CPLX2: variants seen among roughly 807,000 people sequenced by gnomAD.
CPLX2 encodes the protein complexin-2.
Under a neutral mutation model 16.3 loss-of-function variants are expected in CPLX2, and 5 were observed. The ratio of observed to expected loss-of-function variants is 0.31; its 90% CI spans 0.16 to 0.64. CPLX2 has a LOEUF of 0.64. CPLX2 is among the 30% of genes least tolerant of loss of function. The probability of loss-of-function intolerance (pLI) is 0.79; values close to 1 mark genes in which losing one functional copy is unlikely to be tolerated. For synonymous variants in CPLX2, 89 were observed against 73.2 expected (o/e 1.22, Z -1.10); for missense variants, 144 against 181.4 (o/e 0.79, Z 1.18).
At position 175,879,058 on chromosome 5, in the gene CPLX2, A is replaced by G; in HGVS notation, c.182A>G (p.Lys61Arg). Residue 61 changes from lysine to arginine, a missense_variant, in exon 3 of 4, where the codon AAG (lysine) becomes AGG (arginine). Physicochemically the swap from Lys to Arg is conservative, Grantham distance 26 (BLOSUM62 2). Coordinates refer to ENST00000393745, the MANE Select transcript of CPLX2 (RefSeq NM_001008220.2). ...KHARMEAERE[K>R]VRQQIRDKYG... ...GCGCGCATGGAGGCGGAGCGGGAGA[A>G]GGTCCGGCAGCAGATCCGAGATAAG... 1.3e-6 allele frequency: 2 copies of G among 1,581,388 alleles called. No individual in the cohort carries two copies. Among genetic ancestry groups the G allele is most frequent in the African/African-American group, 2.7e-5 (2 of 74,084 alleles).
chr5:175,868,327 T>C (rs541065207), upstream of CPLX2, among the ~76,000 whole-genome samples: 1 of 152,356 alleles, frequency 6.6e-6, no homozygotes, highest in African/African-American at 2.4e-5. Flanking sequence ...ACAGTTGTCA[T>C]TCCTCACACA....
intron 2 of CPLX2, among the ~76,000 whole-genome samples, chr5:175,833,571 G>A (rs1285928730): frequency 2.0e-5 from 3 of 152,202 alleles, no homozygotes; most frequent in East Asian, 3.8e-4. Context: ...AAATGGGGGG[G>A]CCTGGTATGC....
chr5:175,846,490 A>T (rs951746662), intron 2 of CPLX2, among the ~76,000 whole-genome samples: 2 of 152,214 alleles, frequency 1.3e-5, no homozygotes, highest in African/African-American at 2.4e-5. Flanking sequence ...TTGAAAGATA[A>T]AGATTTTTTG....
At position 175,879,094 on chromosome 5, in the gene CPLX2, C is replaced by A. The variant is rs1326879242; in HGVS notation, c.207+11C>A. 9.0e-6 allele frequency: 14 copies of A among 1,553,000 alleles called. No homozygotes were observed. Among genetic ancestry groups the A allele is most frequent in the Non-Finnish European group, 1.2e-5 (14 of 1,148,184 alleles). On this transcript the variant is annotated intron_variant, in intron 3 of 3. Transcript: ENST00000393745. ...CAGATCCGAGATAAGGTCAGCTCCG[C>A]CCGCCCGCCCGTCCTGGGGAGGGCC...
intron 2 of CPLX2, among the ~76,000 whole-genome samples, chr5:175,819,388 C>T (rs1310636823): frequency 6.6e-6 from 1 of 152,190 alleles, no homozygotes; most frequent in African/African-American, 2.4e-5. Flanking sequence ...GTTTCAGGAG[C>T]TCCAAACCCT....
intron 2 of CPLX2, among the ~76,000 whole-genome samples, chr5:175,857,017 C>G (rs530328042): frequency 2.2e-4 from 33 of 152,336 alleles, no homozygotes; most frequent in Admixed American, 1.3e-3. Context: ...AAGAACTGAA[C>G]TAGGGACTCA....
intron 2 of CPLX2, among the ~76,000 whole-genome samples, chr5:175,838,428 C>T (rs1758877171): frequency 1.3e-5 from 2 of 152,090 alleles, no homozygotes; most frequent in Non-Finnish European, 2.9e-5. Context: ...CCACCAAGCC[C>T]GGCTAATTTT....
intron 2 of CPLX2, among the ~76,000 whole-genome samples, chr5:175,847,253 C>T (rs1268331923): frequency 1.3e-5 from 2 of 152,092 alleles, no homozygotes; most frequent in Admixed American, 6.5e-5. Flanking sequence ...TTGGAGGAGC[C>T]GCGTGGGGGA....
chr5:175,880,128 T>C lies in CPLX2; in HGVS notation c.*83T>C. On this transcript the variant is annotated 3_prime_UTR_variant, in exon 4 of 4. Transcript: ENST00000393745. ...TTCTTTTTATTAGGTTAAGTCTCAA[T>C]TCTGAAGGGGAAAACCTCAGTTGGC... 6.8e-7 allele frequency: 1 copy of C among 1,471,572 alleles called. No homozygotes were observed. Among genetic ancestry groups the C allele is most frequent in the East Asian group, 2.5e-5 (1 of 40,564 alleles). 91.2% of individuals were successfully genotyped at this position (1,471,572 alleles called of 1,614,324 possible).
intron 2 of CPLX2, among the ~76,000 whole-genome samples, chr5:175,810,996 A>G (rs1758302232): frequency 6.6e-6 from 1 of 152,234 alleles, no homozygotes; most frequent in Non-Finnish European, 1.5e-5. Flanking sequence ...AGATGGAAAG[A>G]GCACGGGCTT....
intron 2 of CPLX2, among the ~76,000 whole-genome samples, chr5:175,853,735 G>A (rs1040287248): frequency 1.6e-4 from 24 of 152,182 alleles, no homozygotes; most frequent in African/African-American, 5.8e-4. Flanking sequence ...CAATAGGAAA[G>A]GGCGGTTCTG....
chr5:175,798,517 A>G (rs1758034025), intron 1 of CPLX2, among the ~76,000 whole-genome samples: 1 of 152,176 alleles, frequency 6.6e-6, no homozygotes, highest in Admixed American at 6.5e-5. Flanking sequence ...CTGTAAGGAA[A>G]GACCAGGAAA....
intron 1 of CPLX2, among the ~76,000 whole-genome samples, chr5:175,801,283 G>C (rs1758092752): frequency 6.6e-6 from 1 of 152,160 alleles, no homozygotes; most frequent in Non-Finnish European, 1.5e-5. Flanking sequence ...CTCCCACCTG[G>C]AGGAGGTCAG....
intron 2 of CPLX2, among the ~76,000 whole-genome samples, chr5:175,848,185 G>A (rs907106974): frequency 3.7e-4 from 56 of 152,282 alleles, no homozygotes; most frequent in African/African-American, 1.1e-3. Context: ...TGAGGGGGGC[G>A]GGGGGCAGGG....
At chr5:175,852,081 C>T (rs774489598) in intron 2 of CPLX2, among the ~76,000 whole-genome samples, 250 of 152,314 alleles carry the variant, frequency 1.6e-3, no homozygotes, top group Middle Eastern at 3.4e-3. Flanking sequence ...GAAACCTCAG[C>T]GCACAGCCTG....
chr5:175,850,421 G>A (rs573007874), intron 2 of CPLX2, among the ~76,000 whole-genome samples: 69 of 152,308 alleles, frequency 4.5e-4, no homozygotes, highest in African/African-American at 1.6e-3. Context: ...GGTTCCTTTC[G>A]GCTGGCCAGA....
rs1170599495 is a variant in CPLX2 at position 175,829,282 on chromosome 5, T to C, written c.-89+20214T>C. Among the ~76,000 whole-genome samples, 5 of 152,182 alleles carry C rather than the reference T, an allele frequency of 3.3e-5. No homozygotes were observed. In the East Asian group the frequency reaches 9.6e-4, roughly 29 times the overall value. On this transcript the variant is annotated intron_variant, in intron 2 of 4. Transcript: ENST00000359546. ...AACTGCGGCTCAGCGAGGCCAGCAATTGTCTGAAACCAGCTGGTAAATAAG... is the reference window on the plus strand; with the variant it reads ...AACTGCGGCTCAGCGAGGCCAGCAACTGTCTGAAACCAGCTGGTAAATAAG...
At chr5:175,871,431 G>C (rs868445204), upstream of CPLX2, 11 of 79,706 alleles carry the variant, frequency 1.4e-4, no homozygotes, top group Non-Finnish European at 2.2e-4. Flanking sequence ...GAGAGAGAGA[G>C]ACAGAGAGAG....
chr5:175,808,631 C>T (rs1017921235), intron 1 of CPLX2, among the ~76,000 whole-genome samples: 2 of 152,146 alleles, frequency 1.3e-5, no homozygotes, highest in African/African-American at 4.8e-5. Flanking sequence ...GAATTCAAAA[C>T]CAGATATGAT....
Sources: allele counts gnomAD v4.1 joint callset (sites outside exome capture counted in the v4.1 genomes callset), GRCh38; gene constraint gnomAD v4.1.1; transcripts MANE v1.5; gene names NCBI Gene and HGNC (gene_info 2026-07-23, HGNC 2026-07-21).